Variants in GGTA1 observed in about 807,000 individuals in gnomAD.
GGTA1 encodes glycoprotein alpha-galactosyltransferase 1 (inactive), also known as inactive N-acetyllactosaminide alpha-1,3-galactosyltransferase.
In GGTA1, 5 loss-of-function variants were observed where a neutral mutation model predicts 2.6. That is an observed-to-expected ratio of 1.92 (90% CI 1.00 to 4.04). The LOEUF is 4.04. Ranked by LOEUF, GGTA1 falls within the 30% of genes most tolerant of loss-of-function variation. The probability of loss-of-function intolerance (pLI) is 0.00; values close to 1 mark genes in which losing one functional copy is unlikely to be tolerated. For missense variants in GGTA1, 50 were observed against 16.7 expected (o/e 2.99, Z -3.47); for synonymous variants, 17 against 5.0 (o/e 3.38, Z -3.19).
intron 1 of GGTA1, among the ~76,000 whole-genome samples, chr9:121,471,000 C>T (rs199894146): frequency 6.6e-6 from 1 of 152,190 alleles, no homozygotes; most frequent in Non-Finnish European, 1.5e-5. Context: ...ACCCCTTGGG[C>T]GGTTACAAGG....
At chr9:121,458,215 C>G (rs2064929653) in intron 5 of GGTA1, among the ~76,000 whole-genome samples, 1 of 151,012 alleles carries the variant, frequency 6.6e-6, no homozygotes, top group Non-Finnish European at 1.5e-5. Context: ...TACATTTATA[C>G]AAAGTATGTT....
At chr9:121,463,096 A>T in intron 3 of GGTA1, 197 bp downstream of exon 3, 1 of 321,124 alleles carries the variant, frequency 3.1e-6, no homozygotes, top group Non-Finnish European at 6.0e-6. Context: ...TGAGGGCAAG[A>T]TACAAGCCAT....
intron 3 of GGTA1, among the ~76,000 whole-genome samples, chr9:121,462,039 G>T (rs1436642518): frequency 6.6e-6 from 1 of 152,160 alleles, no homozygotes; most frequent in African/African-American, 2.4e-5. Flanking sequence ...CTTCAAGGTG[G>T]GGGGTCGGGC....
At chr9:121,478,674 G>C (rs534295805) in intron 1 of GGTA1, among the ~76,000 whole-genome samples, 38 of 152,296 alleles carry the variant, frequency 2.5e-4, no homozygotes, top group Middle Eastern at 3.4e-3. Flanking sequence ...ACAGACACAA[G>C]AAAATAAGAG....
chr9:121,466,327 G>A (rs1048612651), intron 2 of GGTA1, among the ~76,000 whole-genome samples: 20 of 152,106 alleles, frequency 1.3e-4, no homozygotes, highest in Non-Finnish European at 2.4e-4. Flanking sequence ...AACGTCCTCA[G>A]CCCTCAGTTG....
intron 1 of GGTA1, among the ~76,000 whole-genome samples, chr9:121,490,853 C>T (rs901298108): frequency 1.3e-5 from 2 of 152,164 alleles, no homozygotes; most frequent in Non-Finnish European, 2.9e-5. Context: ...TGCATACAAC[C>T]GTGACCTCTG....
chr9:121,471,184 A>C (rs1329066680), intron 1 of GGTA1, among the ~76,000 whole-genome samples: 1 of 152,156 alleles, frequency 6.6e-6, no homozygotes, highest in Non-Finnish European at 1.5e-5. Context: ...CACACACCAA[A>C]TGTCATTGCT....
chr9:121,466,953 C>CAAAAAAAAAAAA (rs397894554), intron 2 of GGTA1, among the ~76,000 whole-genome samples: 1 of 99,970 alleles, frequency 1.0e-5, no homozygotes, highest in Non-Finnish European at 2.0e-5. Context: ...GACTCTGTCT[C>CAAAAAAAAAAAA]AAAAAAAAAA....
At chr9:121,463,179 C>T in intron 3 of GGTA1, 114 bp downstream of exon 3, 2 of 427,676 alleles carry the variant, frequency 4.7e-6, no homozygotes, top group South Asian at 3.4e-5. Context: ...CCCACCCACC[C>T]CTCCGACTTT....
At chr9:121,481,425 G>C (rs1190787331) in intron 1 of GGTA1, among the ~76,000 whole-genome samples, 1 of 151,962 alleles carries the variant, frequency 6.6e-6, no homozygotes, top group African/African-American at 2.4e-5. Context: ...GGTGGCTCAT[G>C]CCTGTAATCC....
chr9:121,473,696 T>G (rs1828442789), intron 1 of GGTA1, among the ~76,000 whole-genome samples: 1 of 152,078 alleles, frequency 6.6e-6, no homozygotes, highest in African/African-American at 2.4e-5. Flanking sequence ...GAGGCCAAGA[T>G]GGGCAGATTG....
chr9:121,465,272 A>C (rs2064996987), intron 2 of GGTA1, among the ~76,000 whole-genome samples: 1 of 152,262 alleles, frequency 6.6e-6, no homozygotes, highest in South Asian at 2.1e-4. Context: ...TCAAGTGTTC[A>C]AACTCAGAGC....
chr9:121,487,520 G>C (rs1371636230), intron 1 of GGTA1, among the ~76,000 whole-genome samples: 1 of 140,526 alleles, frequency 7.1e-6, no homozygotes, highest in Admixed American at 7.5e-5. Context: ...AGGTTGCAGT[G>C]ACCCGAGATC....
intron 1 of GGTA1, among the ~76,000 whole-genome samples, chr9:121,477,064 A>G (rs1828524361): frequency 6.6e-6 from 1 of 152,166 alleles, no homozygotes; most frequent in African/African-American, 2.4e-5. Flanking sequence ...AGGGGTCACT[A>G]TGATCCAGGT....
At chr9:121,473,940 G>GGGGA (rs1828449536) in intron 1 of GGTA1, among the ~76,000 whole-genome samples, 1 of 122,454 alleles carries the variant, frequency 8.2e-6, no homozygotes, top group African/African-American at 3.2e-5. Flanking sequence ...AAAGAGAGAA[G>GGGGA]GAGAGAGAGA....
At chr9:121,471,016 T>C (rs1298289558) in intron 1 of GGTA1, among the ~76,000 whole-genome samples, 2 of 152,218 alleles carry the variant, frequency 1.3e-5, no homozygotes, top group East Asian at 1.9e-4. Flanking sequence ...CAAGGTTACC[T>C]TGTGAGAGAA....
At position 121,493,746 on chromosome 9, in the gene GGTA1, CTCT is replaced by C. The variant is rs1446615794; in HGVS notation, c.-10+5901_-10+5903del. ...CCTCCTTCAGCTTCCTAGACTCACT[CTCT>C]TTTTTTTTTTTTTTTTTTTTTTTTT... On this transcript the variant is annotated intron_variant, in intron 1 of 5. Coordinates refer to ENST00000481799, the MANE Select transcript of GGTA1 (RefSeq NM_001382585.1). 9.1e-5 allele frequency among the ~76,000 whole-genome samples: 11 copies of C among 120,746 alleles called. No individual in the cohort carries two copies. The East Asian group carries it at 2.0e-3, about 22-fold the overall frequency. The allele number at this position is 120,746 out of a possible 152,430, so 79.2% of individuals were successfully genotyped here. A position where few individuals can be genotyped will look rare whatever the true frequency, so the allele number is the denominator to read the frequency against.
At chr9:121,493,005 G>A (rs1828901848) in intron 1 of GGTA1, among the ~76,000 whole-genome samples, 1 of 151,928 alleles carries the variant, frequency 6.6e-6, no homozygotes, top group African/African-American at 2.4e-5. Flanking sequence ...TTAGCTGGGT[G>A]TGGTGGCGTG....
intron 1 of GGTA1, among the ~76,000 whole-genome samples, chr9:121,482,641 C>T (rs754986997): frequency 7.9e-5 from 12 of 151,846 alleles, no homozygotes; most frequent in Non-Finnish European, 1.8e-4. Context: ...TGGTAGTGGG[C>T]GCCTGCAATC....
Sources: allele counts gnomAD v4.1 joint callset (sites outside exome capture counted in the v4.1 genomes callset), GRCh38; gene constraint gnomAD v4.1.1; transcripts MANE v1.5; gene names NCBI Gene and HGNC (gene_info 2026-07-23, HGNC 2026-07-21).